GTF2IRD1: variants seen among roughly 807,000 people sequenced by gnomAD.
GTF2IRD1 encodes GTF2I repeat domain containing 1.
A neutral mutation model predicts 113.2 loss-of-function variants in GTF2IRD1; 26 were observed. The observed-to-expected ratio is 0.23, with a 90% confidence interval of 0.17 to 0.32. The LOEUF (loss-of-function observed/expected upper bound fraction) is 0.32. GTF2IRD1 is among the 10% of genes least tolerant of loss of function. The probability of loss-of-function intolerance (pLI) is 1.00; values close to 1 mark genes in which losing one functional copy is unlikely to be tolerated. For synonymous variants in GTF2IRD1, 484 were observed against 529.1 expected (o/e 0.91, Z 1.17); for missense variants, 864 against 1,280.8 (o/e 0.67, Z 4.97).
At position 74,555,077 on chromosome 7, in the gene GTF2IRD1, T is replaced by C. The variant is rs1554356268; in HGVS notation, c.1917-97T>C. 24 of 1,116,658 alleles carry C rather than the reference T, an allele frequency of 2.1e-5. No homozygotes were observed. Among genetic ancestry groups the C allele is most frequent in the Non-Finnish European group, 2.1e-5 (16 of 758,746 alleles). The allele number at this position is 1,116,658 out of a possible 1,614,324, so 69.2% of individuals were successfully genotyped here. A position where few individuals can be genotyped will look rare whatever the true frequency, so the allele number is the denominator to read the frequency against. On this transcript the variant is annotated intron_variant, in intron 17 of 26. Coordinates refer to ENST00000424337, the MANE Select transcript of GTF2IRD1 (RefSeq NM_005685.4). The surrounding 1 kb of genome is among the most constrained non-coding windows in gnomAD (Gnocchi z 5.3). ...AACTATGCATAGCCAGAAGGGTCCA[T>C]TGCAGGGCTGTGTAGACTGAGGCCC...
At chr7:74,595,407 A>G (rs1401553495) in intron 25 of GTF2IRD1, among the ~76,000 whole-genome samples, 1 of 147,436 alleles carries the variant, frequency 6.8e-6, no homozygotes. Flanking sequence ...CTCCATCTCG[A>G]AAAAAAGAAA....
At chr7:74,475,230 TG>T (rs1430051429) in intron 1 of GTF2IRD1, among the ~76,000 whole-genome samples, 1 of 152,166 alleles carries the variant, frequency 6.6e-6, no homozygotes, top group Non-Finnish European at 1.5e-5. Context: ...GATCATAGGC[TG>T]GGTGACAGAG....
At chr7:74,544,117 C>G (rs1359842074) in intron 14 of GTF2IRD1, among the ~76,000 whole-genome samples, 1 of 152,162 alleles carries the variant, frequency 6.6e-6, no homozygotes. Context: ...ATGTTTTTAT[C>G]TATGTGCTAA....
intron 1 of GTF2IRD1, among the ~76,000 whole-genome samples, chr7:74,489,899 G>A (rs1311746214): frequency 6.6e-6 from 1 of 152,190 alleles, no homozygotes; most frequent in East Asian, 1.9e-4. Context: ...GGGGGATTCT[G>A]TTAGCAGGGA....
intron 1 of GTF2IRD1, among the ~76,000 whole-genome samples, chr7:74,494,581 G>A (rs1343380967): frequency 6.6e-6 from 1 of 152,134 alleles, no homozygotes; most frequent in African/African-American, 2.4e-5. Flanking sequence ...CAAGAGGAGA[G>A]AATTAGATGA....
At chr7:74,517,915 G>A (rs782029818) in intron 4 of GTF2IRD1, among the ~76,000 whole-genome samples, 1 of 152,164 alleles carries the variant, frequency 6.6e-6, no homozygotes, top group Non-Finnish European at 1.5e-5. Context: ...GCTTGGTGGG[G>A]GAGCCCCAGC....
Position 74,527,216 on chromosome 7 carries a change from C to T in GTF2IRD1, c.1091-2518C>T, listed in dbSNP as rs587674598. Among the ~76,000 whole-genome samples the T allele has an allele frequency of 6.6e-5, 10 of 152,210 alleles. No individual in the cohort carries two copies. The East Asian group carries it at 9.7e-4, about 15-fold the overall frequency. ...GAAAGTACTTGCTTAAGGCCAGGAG[C>T]GGTGGCTCATGCCTGTAATCTTAGC... is the stretch of plus-strand genomic sequence containing the variant. On this transcript the variant is annotated intron_variant, in intron 8 of 26. Coordinates refer to ENST00000424337, the MANE Select transcript of GTF2IRD1 (RefSeq NM_005685.4).
chr7:74,600,218 T>C (rs587732854), intron 25 of GTF2IRD1, among the ~76,000 whole-genome samples: 2 of 151,924 alleles, frequency 1.3e-5, no homozygotes, highest in South Asian at 4.2e-4. Flanking sequence ...TTGCTTGAGG[T>C]TGGGAATTGG....
intron 22 of GTF2IRD1, among the ~76,000 whole-genome samples, chr7:74,574,228 C>T (rs1422938732): frequency 6.7e-6 from 1 of 149,338 alleles, no homozygotes; most frequent in African/African-American, 2.5e-5. Context: ...TCTCGAACTC[C>T]TGACCTCAGG....
At chr7:74,517,432 T>C (rs1319316732) in intron 4 of GTF2IRD1, among the ~76,000 whole-genome samples, 19,042 of 131,862 alleles carry the variant, frequency 0.14, 1,612 homozygotes, top group Non-Finnish European at 0.18. Context: ...TACACCTTTT[T>C]TTTTTTTTTT....
At chr7:74,517,143 C>T (rs954612171) in intron 4 of GTF2IRD1, among the ~76,000 whole-genome samples, 1 of 152,024 alleles carries the variant, frequency 6.6e-6, no homozygotes, top group Non-Finnish European at 1.5e-5. Context: ...CCTGCCTCAG[C>T]CTCCTGAGTA....
chr7:74,480,719 C>T (rs1228332706), intron 1 of GTF2IRD1, among the ~76,000 whole-genome samples: 1 of 152,166 alleles, frequency 6.6e-6, no homozygotes, highest in Non-Finnish European at 1.5e-5. Context: ...AGGCATGGGG[C>T]GGCCTGGACC....
At chr7:74,538,530 C>A (rs1798437108) in intron 12 of GTF2IRD1, 150 bp from the exon 13 acceptor site, 4 of 734,036 alleles carry the variant, frequency 5.4e-6, no homozygotes, top group East Asian at 2.5e-5. Context: ...ACCTCCAATT[C>A]CAGTTTGGGC....
chr7:74,532,413 G>T (rs1434747343), intron 9 of GTF2IRD1, among the ~76,000 whole-genome samples: 1 of 152,072 alleles, frequency 6.6e-6, no homozygotes, highest in Non-Finnish European at 1.5e-5. Flanking sequence ...AAATAGCCAG[G>T]CCTGGTGGTA....
intron 7 of GTF2IRD1, among the ~76,000 whole-genome samples, chr7:74,523,491 G>A (rs890344679): frequency 9.2e-5 from 14 of 152,142 alleles, no homozygotes; most frequent in African/African-American, 2.9e-4. Context: ...AGGCCAAGGC[G>A]GGTGGATCAC....
intron 1 of GTF2IRD1, among the ~76,000 whole-genome samples, chr7:74,457,140 G>A (rs1202352676): frequency 6.6e-6 from 1 of 151,888 alleles, no homozygotes; most frequent in Non-Finnish European, 1.5e-5. Flanking sequence ...GCAGACAAGG[G>A]CCACTACACC....
Position 74,453,981 on chromosome 7 carries a change from G to C in GTF2IRD1, c.-202G>C, listed in dbSNP as rs1351570648. 10 of 142,042 alleles carry C rather than the reference G, an allele frequency of 7.0e-5. No homozygotes were observed. The highest frequency in any genetic ancestry group is 1.4e-4 in the Non-Finnish European group (9 of 64,180). The allele number at this position is 142,042 out of a possible 1,614,324, so 8.8% of individuals were successfully genotyped here. ...GGGGGCCGCCGAGCGCCAGCCCCCC[G>C]GCCGGCCGATTCCCCCCCCGCGCCC... is the stretch of plus-strand genomic sequence containing the variant. On this transcript the variant is annotated 5_prime_UTR_variant, in exon 1 of 27. Coordinates refer to ENST00000424337, the MANE Select transcript of GTF2IRD1 (RefSeq NM_005685.4).
At position 74,602,506 on chromosome 7, in the gene GTF2IRD1, G is replaced by A. The variant is rs1476951340; in HGVS notation, c.*73G>A. 7 of 1,285,612 alleles carry A rather than the reference G, an allele frequency of 5.4e-6. No individual in the cohort carries two copies. The highest frequency in any genetic ancestry group is 1.5e-5 in the African/African-American group (1 of 68,362). The allele number at this position is 1,285,612 out of a possible 1,614,324, so 79.6% of individuals were successfully genotyped here. On this transcript the variant is annotated 3_prime_UTR_variant, in exon 27 of 27. Transcript: ENST00000424337. ...TAATTTATGTACAAAATGTATATTC[G>A]GATATGTATCGATGCCTTTTAGTTT...
chr7:74,524,215 T>C, intron 8 of GTF2IRD1, 61 bp downstream of exon 8: 2 of 1,095,396 alleles, frequency 1.8e-6, no homozygotes, highest in Non-Finnish European at 2.7e-6. Flanking sequence ...TCTCATTACG[T>C]GGCAATCACT....
Sources: gnomAD v4.1 joint callset for allele counts (sites outside exome capture counted in the v4.1 genomes callset) on GRCh38, gnomAD v4.1.1 for gene constraint, Gnocchi (gnomAD v3.1) non-coding constraint, MANE v1.5 for transcripts, NCBI Gene and HGNC (gene_info 2026-07-23, HGNC 2026-07-21) for gene names.